DRC7: variants seen among roughly 807,000 people sequenced by gnomAD.
DRC7 encodes the protein coiled-coil domain containing 135.
A neutral mutation model predicts 104.4 loss-of-function variants in DRC7; 80 were observed. The ratio of observed to expected loss-of-function variants is 0.77; its 90% confidence interval spans 0.64 to 0.92. The LOEUF (loss-of-function observed/expected upper bound fraction) is 0.92. Ranked by LOEUF, DRC7 falls within the 40% of genes least tolerant of loss-of-function variation. The probability of loss-of-function intolerance (pLI) is 0.00; values close to 1 mark genes in which losing one functional copy is unlikely to be tolerated. For missense variants in DRC7, 1,034 were observed against 1,141.1 expected (o/e 0.91, Z 1.35); for synonymous variants, 405 against 447.3 (o/e 0.91, Z 1.19).
chr16:57,709,810 A>C (rs1349804600), intron 8 of DRC7, among the ~76,000 whole-genome samples: 1 of 152,132 alleles, frequency 6.6e-6, no homozygotes. Flanking sequence ...TCCTTTGTTG[A>C]CCAGGCTGGA....
intron 10 of DRC7, 86 bp downstream of exon 10, chr16:57,721,825 C>A: frequency 2.1e-6 from 2 of 967,668 alleles, no homozygotes; most frequent in East Asian, 2.6e-5. Context: ...GGCAGGGGGA[C>A]ACAGCAGGGA....
chr16:57,709,440 T>C (rs536661189), intron 8 of DRC7, among the ~76,000 whole-genome samples: 4 of 152,326 alleles, frequency 2.6e-5, no homozygotes, highest in South Asian at 2.1e-4. Context: ...CATTTCACTA[T>C]TTGTGTGATG....
intron 7 of DRC7, among the ~76,000 whole-genome samples, chr16:57,706,781 C>T (rs2048737181): frequency 6.8e-6 from 1 of 147,442 alleles, no homozygotes; most frequent in African/African-American, 2.5e-5. Context: ...TTGTCTCACT[C>T]ATCCTCCCAT....
intron 13 of DRC7, chr16:57,725,477 T>C (rs1365667616): frequency 1.9e-5 from 3 of 155,852 alleles, no homozygotes; most frequent in African/African-American, 7.2e-5. Context: ...ATGTGTTACT[T>C]CCTTATTGTT....
chr16:57,723,342 G>C (rs1452326980), intron 12 of DRC7, among the ~76,000 whole-genome samples: 1 of 152,176 alleles, frequency 6.6e-6, no homozygotes, highest in African/African-American at 2.4e-5. Flanking sequence ...TATAACAAAT[G>C]CTCCTCCAGG....
At chr16:57,701,030 C>G (rs1167822460) in intron 5 of DRC7, among the ~76,000 whole-genome samples, 2 of 152,172 alleles carry the variant, frequency 1.3e-5, no homozygotes, top group Non-Finnish European at 2.9e-5. Flanking sequence ...ACAAAGCGAG[C>G]TATTTTGCAG....
intron 3 of DRC7, 52 bp from the exon 4 acceptor site, chr16:57,698,798 G>A (rs1258938429): frequency 6.3e-7 from 1 of 1,575,638 alleles, no homozygotes; most frequent in African/African-American, 1.3e-5. Flanking sequence ...TGGAACCAGG[G>A]CTCCTGTGTG....
At chr16:57,695,700 G>C (rs534613277) in intron 1 of DRC7, among the ~76,000 whole-genome samples, 61 of 152,304 alleles carry the variant, frequency 4.0e-4, no homozygotes, top group Non-Finnish European at 6.8e-4. Flanking sequence ...ATGAGCATTC[G>C]TCCCCTCCTG....
chr16:57,715,809 T>C (rs2048836739), intron 8 of DRC7, among the ~76,000 whole-genome samples: 1 of 152,160 alleles, frequency 6.6e-6, no homozygotes, highest in Non-Finnish European at 1.5e-5. Flanking sequence ...CTTCAGAGGA[T>C]GCTACAGTCC....
chr16:57,695,147 GTTC>G (rs1190005508), intron 1 of DRC7, among the ~76,000 whole-genome samples: 2 of 152,004 alleles, frequency 1.3e-5, no homozygotes, highest in African/African-American at 4.8e-5. Context: ...AGTGCTGTGG[GTTC>G]TTCTCCCCAG....
chr16:57,716,219 T>G (rs1202189343), intron 8 of DRC7, among the ~76,000 whole-genome samples: 1 of 152,100 alleles, frequency 6.6e-6, no homozygotes, highest in East Asian at 1.9e-4. Context: ...TGCGAATAGG[T>G]TGGCCGGGCA....
intron 8 of DRC7, among the ~76,000 whole-genome samples, chr16:57,709,909 G>A (rs59589844): frequency 0.061 from 9,268 of 152,174 alleles, 583 homozygotes; most frequent in East Asian, 0.23. Flanking sequence ...ACTACAGACT[G>A]CAGGCATGTG....
chr16:57,696,944 A>T (rs1468913092), intron 2 of DRC7, among the ~76,000 whole-genome samples: 1 of 151,990 alleles, frequency 6.6e-6, no homozygotes, highest in African/African-American at 2.4e-5. Flanking sequence ...ACAGAGTCTC[A>T]CTCTGTCACC....
At chr16:57,700,673 A>AT (rs2048648394) in intron 5 of DRC7, among the ~76,000 whole-genome samples, 1 of 151,660 alleles carries the variant, frequency 6.6e-6, no homozygotes, top group Non-Finnish European at 1.5e-5. Context: ...AAAAAAAAAA[A>AT]AAAGAATGGA....
At position 57,702,021 on chromosome 16, in the gene DRC7, T is replaced by A; in HGVS notation, c.590T>A (p.Leu197His). 1.2e-6 allele frequency: 2 copies of A among 1,614,234 alleles called. No individual in the cohort carries two copies. The highest frequency in any genetic ancestry group is 1.7e-6 in the Non-Finnish European group (2 of 1,180,044). Reference protein sequence around the residue: ...FDFSTLLCSMLIGSGYDAYCV... With the variant: ...FDFSTLLCSMHIGSGYDAYCV... ...TTCAGTACGCTGCTCTGCTCCATGC[T>A]TATCGGCTCTGGCTATGATGCTTAC... The change falls in exon 6 of 19, where the codon CTT becomes CAT. Residue 197 changes from leucine (L) to histidine (H), a missense_variant. Transcript: ENST00000360716.
chr16:57,715,133 C>T (rs1254500831), intron 8 of DRC7, among the ~76,000 whole-genome samples: 1 of 152,146 alleles, frequency 6.6e-6, no homozygotes, highest in African/African-American at 2.4e-5. Context: ...CTGCAATCCC[C>T]GCCTCCCGGG....
chr16:57,705,127 G>A (rs1376339248), intron 7 of DRC7, 93 bp downstream of exon 7: 1 of 1,390,646 alleles, frequency 7.2e-7, no homozygotes, highest in Non-Finnish European at 9.6e-7. Flanking sequence ...GGGGATGTGT[G>A]TATGGACCCC....
rs765544847 is a variant in DRC7 at position 57,727,397 on chromosome 16, T to C, written c.2184T>C (p.Tyr728=). The C allele has an allele frequency of 5.0e-6, 8 of 1,612,764 alleles. No individual in the cohort carries two copies. The highest frequency in any genetic ancestry group is 6.8e-6 in the Non-Finnish European group (8 of 1,179,390). ...DTKRNEKSKE[Y]REAMERMMHE... ...AGCGGAATGAGAAGAGCAAGGAATA[T>C]CGGGAGGCCATGGTCAGTCCCAATC... Residue 728 remains tyrosine (Y), a synonymous_variant, in exon 16 of 19, where the codon TAT becomes TAC. Transcript: ENST00000360716.
chr16:57,728,765 G>C (rs2049005182), intron 17 of DRC7, among the ~76,000 whole-genome samples, 181 bp downstream of exon 17: 1 of 135,446 alleles, frequency 7.4e-6, no homozygotes, highest in Non-Finnish European at 1.6e-5. Context: ...TTATCGGATA[G>C]ATGAATCGAT....
Sources: gnomAD v4.1 joint callset for allele counts (sites outside exome capture counted in the v4.1 genomes callset) on GRCh38, gnomAD v4.1.1 for gene constraint, MANE v1.5 for transcripts, NCBI Gene and HGNC (gene_info 2026-07-23, HGNC 2026-07-21) for gene names.